The following PDE7A variants were observed in gnomAD, a reference collection of about 807,000 sequenced individuals.
PDE7A encodes the protein phosphodiesterase 7A.
A neutral mutation model predicts 64.3 loss-of-function variants in PDE7A; 39 were observed. The ratio of observed to expected loss-of-function variants is 0.61; its 90% CI spans 0.47 to 0.79. The LOEUF is 0.79. Ranked by LOEUF, PDE7A falls within the 30% of genes least tolerant of loss-of-function variation. The pLI, the probability that PDE7A is intolerant of heterozygous loss-of-function variation, is 0.00. For synonymous variants in PDE7A, 203 were observed against 206.8 expected, an observed-to-expected ratio of 0.98 and a Z score of 0.16; for missense variants, 470 against 582.8, an observed-to-expected ratio of 0.81 and a Z score of 1.99.
intron 1 of PDE7A, among the ~76,000 whole-genome samples, chr8:65,795,999 T>A (rs1809832392): frequency 6.6e-6 from 1 of 151,162 alleles, no homozygotes; most frequent in South Asian, 2.1e-4. Flanking sequence ...AAATACAGTA[T>A]CTATGCTAAG....
chr8:65,746,401 G>T (rs934685174), intron 4 of PDE7A, among the ~76,000 whole-genome samples: 2 of 151,884 alleles, frequency 1.3e-5, no homozygotes. Context: ...TTGTTATTCA[G>T]TTTTTAAAAA....
At chr8:65,841,202 G>A (rs566662406) in intron 1 of PDE7A, among the ~76,000 whole-genome samples, 169 bp downstream of exon 1, 3 of 152,176 alleles carry the variant, frequency 2.0e-5, no homozygotes, top group South Asian at 2.1e-4. Context: ...ACTGAGGGGG[G>A]ACAGCCAGGA....
At chr8:65,735,325 T>A (rs372273693) in intron 6 of PDE7A, among the ~76,000 whole-genome samples, 67 of 152,296 alleles carry the variant, frequency 4.4e-4, no homozygotes, top group African/African-American at 1.5e-3. Context: ...TAGTGTTTTT[T>A]TGAGACAGGA....
intron 3 of PDE7A, among the ~76,000 whole-genome samples, chr8:65,770,487 G>A (rs532628591): frequency 4.6e-5 from 7 of 152,246 alleles, no homozygotes; most frequent in African/African-American, 1.7e-4. Context: ...GAACTGCCCT[G>A]ATGATTCAAT....
intron 5 of PDE7A, among the ~76,000 whole-genome samples, chr8:65,742,283 G>A (rs1316868213): frequency 2.0e-5 from 3 of 152,172 alleles, no homozygotes; most frequent in Non-Finnish European, 4.4e-5. Flanking sequence ...GGAAGGAGTA[G>A]GCCACCCTGA....
At chr8:65,722,789 T>C (rs1166597460) in intron 12 of PDE7A, 1 of 152,192 alleles carries the variant, frequency 6.6e-6, no homozygotes, top group Non-Finnish European at 1.5e-5. Flanking sequence ...GCTCCAGGAA[T>C]CCACAACCAA....
At chr8:65,729,152 CAAAA>C (rs1563472924) in intron 7 of PDE7A, among the ~76,000 whole-genome samples, 1 of 139,746 alleles carries the variant, frequency 7.2e-6, no homozygotes, top group Non-Finnish European at 1.7e-5. Flanking sequence ...AAAGAAATGT[CAAAA>C]AAGAAACTAC....
rs572395594 is a variant in PDE7A at position 65,755,439 on chromosome 8, T to G, written c.284-7636A>C. ...AATTTACTTAGTGGTTACTTTGGGG[T>G]TTACAATTAACACCTTAAACTTATA... On this transcript the variant is annotated intron_variant, in intron 3 of 12. Transcript: ENST00000401827. 8.5e-5 allele frequency among the ~76,000 whole-genome samples: 13 copies of G among 152,312 alleles called. No homozygotes were observed. In the South Asian group the frequency reaches 1.0e-3, roughly 12 times the overall value.
At chr8:65,755,024 A>ATT (rs113923652) in intron 3 of PDE7A, among the ~76,000 whole-genome samples, 11 of 136,816 alleles carry the variant, frequency 8.0e-5, no homozygotes, top group East Asian at 2.2e-4. Context: ...TTTTTCACTT[A>ATT]TTTTTTTTTT....
In PDE7A at chr8:65,747,769, C is replaced by T. The variant is rs1807748864; in HGVS notation, c.318G>A (p.Arg106=). The change falls in exon 4 of 13, where the codon AGG becomes AGA. Residue 106 remains arginine (R), a synonymous_variant. Coordinates refer to ENST00000401827, the MANE Select transcript of PDE7A (RefSeq NM_001242318.3). Reference sequence around the variant, plus strand: ...GGAAACTTAGTAGCCTTCTGATATTCCTTGCAGAGACAGACACTTCAATTT... The same window carrying T: ...GGAAACTTAGTAGCCTTCTGATATTTCTTGCAGAGACAGACACTTCAATTT... ...QSEIEVSVSA[R]NIRRLLSFQR... 1.2e-6 allele frequency: 2 copies of T among 1,609,544 alleles called. No homozygotes were observed. The highest frequency in any genetic ancestry group is 1.3e-5 in the African/African-American group (1 of 74,754).
rs148562362 is a variant in PDE7A, at chr8:65,744,458, T to C, written c.499+949A>G. ...TCCCTGTTCCTTTTCCTACAGAACATGTTTCTGTCCGCAAAGAGAATAAGA... is the reference window on the plus strand; with the variant it reads ...TCCCTGTTCCTTTTCCTACAGAACACGTTTCTGTCCGCAAAGAGAATAAGA... On this transcript the variant is annotated intron_variant, in intron 5 of 12. Coordinates refer to ENST00000401827, the MANE Select transcript of PDE7A (RefSeq NM_001242318.3). 1.8e-4 allele frequency among the ~76,000 whole-genome samples: 28 copies of C among 152,328 alleles called. No individual in the cohort carries two copies. In the East Asian group the frequency reaches 2.1e-3, roughly 12 times the overall value.
At chr8:65,782,421 C>G (rs1015153796) in intron 2 of PDE7A, among the ~76,000 whole-genome samples, 3 of 152,214 alleles carry the variant, frequency 2.0e-5, no homozygotes, top group Non-Finnish European at 2.9e-5. Context: ...ACAGGACTAT[C>G]TGAGCAGGTG....
chr8:65,799,178 G>C (rs964438990), intron 1 of PDE7A, among the ~76,000 whole-genome samples: 5 of 152,102 alleles, frequency 3.3e-5, no homozygotes, highest in African/African-American at 1.2e-4. Context: ...CTAGTTGCAT[G>C]AGTGTACCTG....
chr8:65,832,795 AT>A (rs976757952), intron 1 of PDE7A, among the ~76,000 whole-genome samples: 5 of 152,092 alleles, frequency 3.3e-5, no homozygotes, highest in African/African-American at 9.7e-5. Context: ...CCAGTATCAC[AT>A]TTTTTAGTAT....
chr8:65,765,297 G>A (rs993953640), intron 3 of PDE7A, among the ~76,000 whole-genome samples: 4 of 151,100 alleles, frequency 2.6e-5, no homozygotes, highest in South Asian at 2.1e-4. Flanking sequence ...AGACCATCCC[G>A]GCTAAAACGG....
At chr8:65,732,855 ACT>A (rs1448074641) in intron 7 of PDE7A, among the ~76,000 whole-genome samples, 2 of 151,650 alleles carry the variant, frequency 1.3e-5, no homozygotes, top group Non-Finnish European at 2.9e-5. Context: ...ACTTTGAGTG[ACT>A]CTGTTTTTTT....
chr8:65,739,369 G>T, intron 6 of PDE7A, 133 bp downstream of exon 6: 1 of 995,376 alleles, frequency 1.0e-6, no homozygotes, highest in Non-Finnish European at 1.4e-6. Flanking sequence ...AAATAACTGT[G>T]TGTTGTTTTA....
In PDE7A at chr8:65,836,476, T is replaced by C. The variant is rs537112808; in HGVS notation, c.138+4895A>G. ...AAACAGACAGGATCACCTATTTTGGTAATATCAAAGGATAGATCCTTTTGT... is the reference window on the plus strand; with the variant it reads ...AAACAGACAGGATCACCTATTTTGGCAATATCAAAGGATAGATCCTTTTGT... On this transcript the variant is annotated intron_variant, in intron 1 of 12. Transcript: ENST00000401827. Among the ~76,000 whole-genome samples the C allele has an allele frequency of 2.6e-5, 4 of 152,344 alleles. No homozygotes were observed. The South Asian group carries it at 6.2e-4, about 24-fold the overall frequency.
intron 1 of PDE7A, among the ~76,000 whole-genome samples, chr8:65,796,106 AAAAT>A (rs201229683): frequency 1.3e-5 from 2 of 151,520 alleles, no homozygotes; most frequent in African/African-American, 2.4e-5. Flanking sequence ...CAAAAGCCAA[AAAAT>A]AAATAAATAA....
Sources: gnomAD v4.1 joint callset for allele counts (sites outside exome capture counted in the v4.1 genomes callset) on GRCh38, gnomAD v4.1.1 for gene constraint, MANE v1.5 for transcripts, NCBI Gene and HGNC (gene_info 2026-07-23, HGNC 2026-07-21) for gene names.